NR2C1: variants seen among roughly 807,000 people sequenced by gnomAD.
NR2C1 encodes the protein nuclear receptor subfamily 2 group C member 1, also known as TR2 nuclear hormone receptor.
Under a neutral mutation model 74.8 loss-of-function variants are expected in NR2C1, and 33 were observed. The observed-to-expected ratio is 0.44, with a 90% CI of 0.33 to 0.59. The LOEUF is 0.59. Among genes scored for constraint, NR2C1 ranks in the 20% least tolerant of loss-of-function variants. NR2C1 has a pLI of 0.02. For synonymous variants in NR2C1, 225 were observed against 240.6 expected, an observed-to-expected ratio of 0.94 and a Z score of 0.60; for missense variants, 568 against 715.6, an observed-to-expected ratio of 0.79 and a Z score of 2.35.
At chr12:95,031,522 T>C in intron 10 of NR2C1, 34 bp from the exon 11 acceptor site, 1 of 1,518,518 alleles carries the variant, frequency 6.6e-7, no homozygotes, top group East Asian at 2.4e-5. Context: ...ACAAATCAGA[T>C]ATTATTAAAA....
intron 2 of NR2C1, chr12:95,066,786 T>C (rs1875772533): frequency 1.3e-5 from 2 of 153,052 alleles, no homozygotes; most frequent in Admixed American, 6.5e-5. Context: ...GAAAATTCCA[T>C]TGTATACCTG....
At position 95,062,684 on chromosome 12, in the gene NR2C1, G is replaced by A. The variant is rs138215045; in HGVS notation, c.109C>T (p.His37Tyr). 4.5e-4 allele frequency: 720 copies of A among 1,614,090 alleles called. 2 individuals are homozygous for A. The Middle Eastern group carries it at 8.7e-3, about 20-fold the overall frequency. Reference protein sequence around the residue: ...QKIQIVTALDHNTQGKQFILT... With the variant: ...QKIQIVTALDYNTQGKQFILT... ...ATGAACTGCTTGCCTTGGGTATTAT[G>A]ATCAAGTGCTGTCACAATCTGGATT... The change falls in exon 3 of 14, where the codon CAT becomes TAT. Residue 37 changes from histidine (H) to tyrosine (Y), a missense_variant. His to Tyr is a moderately conservative substitution (Grantham distance 83, BLOSUM62 2). Around this residue, in one of 6 missense-constraint regions of NR2C1, gnomAD observed 128 missense variants for 118.9 expected, o/e 1.08. Transcript: ENST00000333003.
chr12:95,067,477 A>C, intron 1 of NR2C1, 86 bp from the exon 2 acceptor site: 1 of 1,084,278 alleles, frequency 9.2e-7, no homozygotes, highest in Non-Finnish European at 1.4e-6. Flanking sequence ...ATGATATTTA[A>C]GATTTGCTTC....
Position 95,049,134 on chromosome 12 carries a change from T to C in NR2C1, c.1065A>G (p.Gly355=), listed in dbSNP as rs1159479768. Residue 355 remains glycine, a synonymous_variant, in exon 9 of 14, where the codon GGA becomes GGG. Coordinates refer to ENST00000333003, the MANE Select transcript of NR2C1 (RefSeq NM_003297.4). ...TTTCGGTGTAATTTATGCTTGAATC[T>C]CCAGTGATTAGGTGTACACTTCCTT... ...GMEGSVHLIT[G]DSSINYTEKE... The C allele has an allele frequency of 1.2e-6, 2 of 1,614,048 alleles. No individual in the cohort carries two copies. Among genetic ancestry groups the C allele is most frequent in the South Asian group, 2.2e-5 (2 of 91,070 alleles).
rs140215312 is a variant in NR2C1, at chr12:95,057,745, A to T, written c.678T>A (p.Asp226Glu). Residue 226 changes from aspartate (D) to glutamate (E), a missense_variant, in exon 6 of 14, where the codon GAT (aspartate) becomes GAA (glutamate). Transcript: ENST00000333003. ...TTTTACTTTACCTTGTACTTTCACT[A>T]TCTGTTACAAAAGTTGGAGTTGCAG... is the stretch of plus-strand genomic sequence containing the variant. The part of the protein sequence containing the change: ...PLTATPTFVT[D>E]SESTRSTGLL... 6.2e-7 allele frequency: 1 copy of T among 1,614,014 alleles called. No individual in the cohort carries two copies. Among genetic ancestry groups the T allele is most frequent in the African/African-American group, 1.3e-5 (1 of 75,024 alleles).
At chr12:95,059,354 C>T (rs751002438) in intron 4 of NR2C1, among the ~76,000 whole-genome samples, 3 of 151,548 alleles carry the variant, frequency 2.0e-5, no homozygotes, top group Non-Finnish European at 4.4e-5. Flanking sequence ...GTGAAATATG[C>T]ATTTTATTTC....
chr12:95,044,741 G>A (rs1436596995), intron 9 of NR2C1, among the ~76,000 whole-genome samples: 5 of 152,124 alleles, frequency 3.3e-5, no homozygotes, highest in African/African-American at 1.2e-4. Flanking sequence ...AATCAGCTGG[G>A]AGTGGTGGTG....
intron 9 of NR2C1, among the ~76,000 whole-genome samples, chr12:95,042,294 T>A (rs1336784109): frequency 6.7e-6 from 1 of 149,340 alleles, no homozygotes; most frequent in Non-Finnish European, 1.5e-5. Context: ...TGATCTCAGC[T>A]CTCTGCCCAG....
At chr12:95,036,512 C>CTT (rs776220936) in intron 10 of NR2C1, among the ~76,000 whole-genome samples, 8 of 140,038 alleles carry the variant, frequency 5.7e-5, no homozygotes, top group East Asian at 2.0e-4. Flanking sequence ...TGTGGGTTTA[C>CTT]TTTTTTTTTT....
chr12:95,040,579 T>C lies in NR2C1; in HGVS notation c.1150A>G (p.Met384Val), dbSNP rs752859112. ...TAGTGCACATTCAGGTACTCAGGCA[T>C]AGGAGAAGGCATGGTGAGCTAGTAT... ...VAFRLTMPSPMPEYLNVHYIG... is the reference protein window; with the variant it reads ...VAFRLTMPSPVPEYLNVHYIG... Residue 384 changes from methionine to valine, a missense_variant, in exon 10 of 14, where the codon ATG becomes GTG. Physicochemically the swap from Met to Val is conservative, Grantham distance 21. Transcript: ENST00000333003. 36 of 1,612,632 alleles carry C rather than the reference T, an allele frequency of 2.2e-5. No individual in the cohort carries two copies. Among genetic ancestry groups the C allele is most frequent in the Non-Finnish European group, 3.1e-5 (36 of 1,179,060 alleles).
Position 95,062,608 on chromosome 12 carries a change from T to G in NR2C1, c.185A>C (p.Gln62Pro). ...GAAAACTTTTCCCGGAGTGGAATCT[T>G]GCCTGGCCAGAATGACTTTGCTTGG... Reference protein sequence around the residue: ...STPSKVILARQDSTPGKVFLT... With the variant: ...STPSKVILARPDSTPGKVFLT... The change falls in exon 3 of 14, where the codon CAA (glutamine) becomes CCA (proline). Residue 62 changes from glutamine (Q) to proline (P), a missense_variant. By Grantham distance (76) the Gln-to-Pro change is moderately conservative. Coordinates refer to ENST00000333003, the MANE Select transcript of NR2C1 (RefSeq NM_003297.4). The G allele has an allele frequency of 6.2e-7, 1 of 1,614,182 alleles. No homozygotes were observed. Among genetic ancestry groups the G allele is most frequent in the Non-Finnish European group, 8.5e-7 (1 of 1,180,040 alleles).
intron 12 of NR2C1, among the ~76,000 whole-genome samples, chr12:95,027,908 A>G (rs557581409): frequency 8.5e-5 from 13 of 152,168 alleles, no homozygotes; most frequent in Non-Finnish European, 1.5e-4. Flanking sequence ...CCACTTACCT[A>G]TTTTATGTCT....
chr12:95,054,036 T>G (rs1873469695), intron 7 of NR2C1, among the ~76,000 whole-genome samples: 1 of 152,204 alleles, frequency 6.6e-6, no homozygotes. Flanking sequence ...GATGTTTCAT[T>G]TATTATAACA....
chr12:95,072,220 G>A (rs1438060738), intron 1 of NR2C1, among the ~76,000 whole-genome samples: 2 of 150,002 alleles, frequency 1.3e-5, no homozygotes, highest in Non-Finnish European at 1.5e-5. Flanking sequence ...CGAGGTCAGA[G>A]TATCAAGACC....
intron 1 of NR2C1, among the ~76,000 whole-genome samples, chr12:95,071,870 T>G (rs1876681338): frequency 6.6e-6 from 1 of 150,966 alleles, no homozygotes; most frequent in Non-Finnish European, 1.5e-5. Context: ...TGCCTCGGCC[T>G]CCGGAGTTGC....
rs773680828 is a variant in NR2C1 at position 95,057,694 on chromosome 12, C to A, written c.692+37G>T. On this transcript the variant is annotated intron_variant, in intron 6 of 13. Transcript: ENST00000333003. Reference sequence around the variant, plus strand: ...GCCTGAGTTTCATTGGGAAGAAAAACAAAATGACCAGCTACTCAGTGTCTG... The same window carrying A: ...GCCTGAGTTTCATTGGGAAGAAAAAAAAAATGACCAGCTACTCAGTGTCTG... 4.3e-6 allele frequency: 7 copies of A among 1,612,450 alleles called. No homozygotes were observed. The African/African-American group carries it at 9.4e-5, about 22-fold the overall frequency.
intron 2 of NR2C1, chr12:95,067,071 A>G (rs2136202084): frequency 2.0e-6 from 1 of 509,502 alleles, no homozygotes; most frequent in East Asian, 3.6e-5. Flanking sequence ...CAGCTCTTTA[A>G]TTTCTTTCCT....
intron 7 of NR2C1, among the ~76,000 whole-genome samples, chr12:95,055,586 C>T (rs1272854274): frequency 6.6e-6 from 1 of 152,106 alleles, no homozygotes; most frequent in African/African-American, 2.4e-5. Context: ...GTATTTAGAG[C>T]GCCTTAAAGC....
intron 11 of NR2C1, chr12:95,030,992 A>G (rs768313264): frequency 3.6e-6 from 3 of 824,594 alleles, no homozygotes; most frequent in East Asian, 2.7e-5. Context: ...TCAAAGGGCT[A>G]TAATAAAGAA....
Sources: allele counts gnomAD v4.1 joint callset (sites outside exome capture counted in the v4.1 genomes callset), GRCh38; gene constraint gnomAD v4.1.1; regional missense constraint gnomAD v4.1.1; transcripts MANE v1.5; gene names NCBI Gene and HGNC (gene_info 2026-07-23, HGNC 2026-07-21).